Variants in PLXNA1 observed in about 807,000 individuals in gnomAD.
PLXNA1 encodes the protein plexin-A1.
PLXNA1 carries 77 observed loss-of-function variants against 191.7 expected under a neutral mutation model. The observed-to-expected ratio is 0.40, with a 90% confidence interval of 0.33 to 0.49. The LOEUF is 0.49. Ranked by LOEUF, PLXNA1 falls within the 20% of genes least tolerant of loss-of-function variation. The pLI, the probability that PLXNA1 is intolerant of heterozygous loss-of-function variation, is 0.63. For missense variants in PLXNA1, 2,110 were observed against 2,660.2 expected (o/e 0.79, Z 4.55); for synonymous variants, 1,137 against 1,156.4 (o/e 0.98, Z 0.34).
In PLXNA1 at chr3:127,004,517, G is replaced by A. The variant is rs559093756; in HGVS notation, c.1519-94G>A. On this transcript the variant is annotated intron_variant, in intron 4 of 31. Coordinates refer to ENST00000393409, the MANE Select transcript of PLXNA1 (RefSeq NM_032242.4). ...CTGAGAACAAGTGCAGGGCCTCCCC[G>A]GGCCTAAGGAGAGCAGAGTAGGGAG... 5.0e-3 allele frequency: 4,394 copies of A among 879,688 alleles called. 17 individuals carry two copies. Among genetic ancestry groups the A allele is most frequent in the Non-Finnish European group, 6.9e-3 (3,722 of 542,930 alleles). 54.5% of individuals were successfully genotyped at this position (879,688 alleles called of 1,614,324 possible).
Position 127,029,938 on chromosome 3 carries a change from C to T in PLXNA1, c.4935C>T (p.Pro1645=), listed in dbSNP as rs527394103. Residue 1645 remains proline, a synonymous_variant, in exon 28 of 32, where the codon CCC becomes CCT. Transcript: ENST00000393409. ...SLRSRTPMIT[P]DLESGTKLWH... is the part of the protein sequence containing the mutation. ...GCTCGCGCACGCCCATGATCACGCC[C>T]GACCTGGAGAGCGGCACCAAGCTGT... The T allele has an allele frequency of 2.2e-5, 36 of 1,613,578 alleles. No homozygotes were observed. The South Asian group carries it at 3.0e-4, about 13-fold the overall frequency.
rs527912186 is a variant in PLXNA1, at chr3:126,990,609, G to A, written c.1195-775G>A. ...CTGGGGGTCGCTGGCCATCGCAGGG[G>A]AAGGCCTCGCCCTCTCTGGCTGTAG... On this transcript the variant is annotated intron_variant, in intron 2 of 31. Transcript: ENST00000393409. Among the ~76,000 whole-genome samples, 19 of 152,332 alleles carry A rather than the reference G, an allele frequency of 1.2e-4. No homozygotes were observed. In the South Asian group the frequency reaches 2.1e-3, roughly 17 times the overall value.
chr3:126,992,649 G>T (rs1260586090), intron 3 of PLXNA1, among the ~76,000 whole-genome samples: 1 of 151,994 alleles, frequency 6.6e-6, no homozygotes, highest in African/African-American at 2.4e-5. Flanking sequence ...GGTGCTGGTG[G>T]TCTTGGGGCC....
intron 29 of PLXNA1, among the ~76,000 whole-genome samples, chr3:127,031,378 C>T (rs1485057449): frequency 6.6e-6 from 1 of 152,196 alleles, no homozygotes; most frequent in African/African-American, 2.4e-5. Flanking sequence ...CCGAGGGCTT[C>T]TGGGGTAGGA....
At chr3:126,997,576 C>G (rs1259073978) in intron 3 of PLXNA1, among the ~76,000 whole-genome samples, 9 of 152,228 alleles carry the variant, frequency 5.9e-5, no homozygotes, top group African/African-American at 2.2e-4. Context: ...TTCACGGGGC[C>G]CTGCACGGTA....
intron 29 of PLXNA1, 39 bp from the exon 30 acceptor site, chr3:127,032,348 A>C: frequency 6.3e-7 from 1 of 1,590,520 alleles, no homozygotes; most frequent in Non-Finnish European, 8.6e-7. Context: ...AGGAGGGAGC[A>C]GAGGCCTATC....
chr3:126,990,118 C>T (rs2078983324), intron 2 of PLXNA1, among the ~76,000 whole-genome samples: 1 of 152,220 alleles, frequency 6.6e-6, no homozygotes, highest in Non-Finnish European at 1.5e-5. Flanking sequence ...ACACCTGGTG[C>T]TTGCCTGCTC....
chr3:127,002,424 A>G (rs995963728), intron 3 of PLXNA1, among the ~76,000 whole-genome samples: 1 of 152,218 alleles, frequency 6.6e-6, no homozygotes, highest in Admixed American at 6.5e-5. Context: ...TCGGACTCCA[A>G]CCAGGGCTTT....
rs759247232 is a variant in PLXNA1, at chr3:126,988,921, A to C, written c.328A>C (p.Ser110Arg). The change falls in exon 2 of 32, where the codon AGT becomes CGT. Residue 110 changes from serine to arginine, a missense_variant. Around this residue, in one of 4 missense-constraint regions of PLXNA1, gnomAD observed 903 missense variants for 1,015.7 expected, o/e 0.89. Coordinates refer to ENST00000393409, the MANE Select transcript of PLXNA1 (RefSeq NM_032242.4). Reference protein sequence around the residue: ...SVQSCPHGLGSTDNVNKLLLL... With the variant: ...SVQSCPHGLGRTDNVNKLLLL... ...GCAGTCCTGCCCCCACGGCCTGGGCAGTACTGACAACGTCAACAAGCTGCT... is the reference window on the plus strand; with the variant it reads ...GCAGTCCTGCCCCCACGGCCTGGGCCGTACTGACAACGTCAACAAGCTGCT... The C allele has an allele frequency of 2.5e-6, 4 of 1,613,112 alleles. No individual in the cohort carries two copies. In the East Asian group the frequency reaches 6.7e-5, roughly 27 times the overall value.
At chr3:127,027,203 G>A (rs776684261) in intron 23 of PLXNA1, 3 of 195,950 alleles carry the variant, frequency 1.5e-5, no homozygotes, top group Non-Finnish European at 3.2e-5. Flanking sequence ...GGTTGTAGAG[G>A]CAGCAGTTGC....
At chr3:127,007,325 C>A (rs746463707) in intron 8 of PLXNA1, among the ~76,000 whole-genome samples, 2 of 152,222 alleles carry the variant, frequency 1.3e-5, no homozygotes, top group African/African-American at 2.4e-5. Context: ...CCTGCCCCAG[C>A]GATCCTGCTT....
rs769023960 is a variant in PLXNA1, at chr3:127,003,387, G to A, written c.1435G>A (p.Val479Met). 13 of 1,611,882 alleles carry A rather than the reference G, an allele frequency of 8.1e-6. No individual in the cohort carries two copies. Among genetic ancestry groups the A allele is most frequent in the African/African-American group, 2.7e-5 (2 of 74,904 alleles). The change falls in exon 4 of 32, where the codon GTG (valine) becomes ATG (methionine). Residue 479 changes from valine to methionine, a missense_variant. Val to Met is a conservative substitution (Grantham distance 21). Coordinates refer to ENST00000393409, the MANE Select transcript of PLXNA1 (RefSeq NM_032242.4). Reference sequence around the variant, plus strand: ...GCCTGCCCTGGCCTACGAGAGCGTCGTGGCCCAGGAGGGCAGCCCCATCCT... The same window carrying A: ...GCCTGCCCTGGCCTACGAGAGCGTCATGGCCCAGGAGGGCAGCCCCATCCT... ...GRPALAYESV[V>M]AQEGSPILRD...
In PLXNA1 at chr3:127,014,846, C is replaced by T. The variant is rs749168688; in HGVS notation, c.2877+15C>T. ...TCACCTTCGTGGTGAGTCTGCTGCC[C>T]TCCCTCTCTCCCTATTCTCTGCTGC... On this transcript the variant is annotated intron_variant, in intron 14 of 31. Transcript: ENST00000393409. 5.6e-6 allele frequency: 9 copies of T among 1,608,652 alleles called. 1 individual carries two copies. In the African/African-American group the frequency reaches 6.7e-5, roughly 12 times the overall value.
At chr3:127,008,037 C>T (rs934707884) in intron 9 of PLXNA1, 124 bp downstream of exon 9, 19 of 631,008 alleles carry the variant, frequency 3.0e-5, no homozygotes, top group African/African-American at 7.3e-5. Flanking sequence ...GGGATGTCAC[C>T]GTGTGGTGCA....
Position 126,989,523 on chromosome 3 carries a change from C to G in PLXNA1, c.930C>G (p.Arg310=). The change falls in exon 2 of 32, where the codon CGC becomes CGG. Residue 310 remains arginine, a synonymous_variant. Coordinates refer to ENST00000393409, the MANE Select transcript of PLXNA1 (RefSeq NM_032242.4). ...GCGAGCAGGCGGGTGTGGAGTACCG[C>G]CTGGTGCAGGATGCCTACCTGAGCC... ...IGCEQAGVEY[R]LVQDAYLSRP... 2 of 1,613,384 alleles carry G rather than the reference C, an allele frequency of 1.2e-6. No homozygotes were observed. The highest frequency in any genetic ancestry group is 1.7e-6 in the Non-Finnish European group (2 of 1,180,030).
rs2079112757 is a variant in PLXNA1, at chr3:127,014,523, A to G, written c.2650A>G (p.Ile884Val). 1.2e-6 allele frequency: 2 copies of G among 1,609,316 alleles called. No individual in the cohort carries two copies. Among genetic ancestry groups the G allele is most frequent in the African/African-American group, 2.7e-5 (2 of 74,968 alleles). The change falls in exon 13 of 32, where the codon ATC becomes GTC. Residue 884 changes from isoleucine (I) to valine (V), a missense_variant. This residue lies in a region of PLXNA1 where 644 missense variants were observed against 714.3 expected (regional missense o/e 0.90). Coordinates refer to ENST00000393409, the MANE Select transcript of PLXNA1 (RefSeq NM_032242.4). Reference sequence around the variant, plus strand: ...GAGGCAGGGCGGCACGCGGCTCACTATCACAGGCGAGAACCTGGGCCTGCG... The same window carrying G: ...GAGGCAGGGCGGCACGCGGCTCACTGTCACAGGCGAGAACCTGGGCCTGCG... The part of the protein sequence containing the change: ...GPRQGGTRLT[I>V]TGENLGLRFE...
At chr3:127,010,694 G>C (rs1439680341) in intron 9 of PLXNA1, among the ~76,000 whole-genome samples, 1 of 152,192 alleles carries the variant, frequency 6.6e-6, no homozygotes, top group Non-Finnish European at 1.5e-5. Context: ...GCTGGGACCT[G>C]GGTTCTGGGG....
chr3:127,021,979 G>A, intron 21 of PLXNA1, 106 bp from the exon 22 acceptor site: 2 of 1,489,882 alleles, frequency 1.3e-6, no homozygotes, highest in Middle Eastern at 2.5e-4. Context: ...CCTGTCCTCT[G>A]ATGGGGCCCT....
chr3:127,002,007 C>T (rs906675897), intron 3 of PLXNA1, among the ~76,000 whole-genome samples: 1 of 152,254 alleles, frequency 6.6e-6, no homozygotes, highest in Non-Finnish European at 1.5e-5. Context: ...TAAACAAGGA[C>T]TCCTACTCCT....
Sources: allele counts gnomAD v4.1 joint callset (sites outside exome capture counted in the v4.1 genomes callset), GRCh38; gene constraint gnomAD v4.1.1; regional missense constraint gnomAD v4.1.1; transcripts MANE v1.5; gene names NCBI Gene and HGNC (gene_info 2026-07-23, HGNC 2026-07-21).